Variants in XPO1 observed in about 807,000 individuals in gnomAD.
XPO1 encodes exportin 1.
XPO1 carries 5 observed loss-of-function variants against 133.3 expected under a neutral mutation model. That is an observed-to-expected ratio of 0.04 (90% CI 0.02 to 0.08). XPO1 has a LOEUF of 0.08. Among genes scored for constraint, XPO1 ranks in the 10% least tolerant of loss-of-function variants. The pLI is 1.00. For missense variants in XPO1, 506 were observed against 1,267.5 expected (o/e 0.40, Z 9.12); for synonymous variants, 419 against 408.2 (o/e 1.03, Z -0.32).
rs757556889 is a variant in XPO1 at position 61,510,385 on chromosome 2, T to C, written c.302-8075A>G. ...AGGGTATACAGGATATTGTTACTAC[T>C]GTTCTCTCAATGAAATATTAATAAG... On this transcript the variant is annotated intron_variant, in intron 4 of 24. Coordinates refer to ENST00000401558, the MANE Select transcript of XPO1 (RefSeq NM_003400.4). 2.3e-4 allele frequency among the ~76,000 whole-genome samples: 35 copies of C among 152,350 alleles called. 1 individual carries two copies. Among genetic ancestry groups the C allele is most frequent in the South Asian group, 6.2e-4 (3 of 4,832 alleles).
In XPO1 at chr2:61,499,814, G is replaced by C. The variant is rs1352224037; in HGVS notation, c.489C>G (p.Leu163=). ...IVGASRTSES[L]CQNNMVILKL... Reference sequence around the variant, plus strand: ...TAAGAATCACCATATTATTTTGACAGAGACTTTCGCTGGTCCTACTTGCTC... The same window carrying C: ...TAAGAATCACCATATTATTTTGACACAGACTTTCGCTGGTCCTACTTGCTC... Residue 163 remains leucine, a synonymous_variant, in exon 7 of 25, where the codon CTC becomes CTG. Transcript: ENST00000401558. 2 of 1,613,324 alleles carry C rather than the reference G, an allele frequency of 1.2e-6. No individual in the cohort carries two copies. Among genetic ancestry groups the C allele is most frequent in the Non-Finnish European group, 1.7e-6 (2 of 1,179,886 alleles).
chr2:61,519,712 A>AC (rs1178492187), intron 4 of XPO1, among the ~76,000 whole-genome samples: 2 of 151,018 alleles, frequency 1.3e-5, no homozygotes, highest in Admixed American at 1.3e-4. Flanking sequence ...AAAAAAAAAA[A>AC]AAAAAAAAAA....
intron 18 of XPO1, 71 bp downstream of exon 18, chr2:61,488,517 G>C (rs1340011700): frequency 3.4e-6 from 5 of 1,463,364 alleles, no homozygotes; most frequent in East Asian, 2.3e-5. Flanking sequence ...AACATCAAAT[G>C]TTTGACTTAA....
In XPO1 at chr2:61,492,027, T is replaced by TATA. The variant is rs780515344; in HGVS notation, c.1887+7_1887+8insTAT. 26 of 1,613,998 alleles carry TATA rather than the reference T, an allele frequency of 1.6e-5. No individual in the cohort carries two copies. In the South Asian group the frequency reaches 2.5e-4, roughly 16 times the overall value. On this transcript the variant is annotated splice_region_variant and intron_variant, in intron 16 of 24. Coordinates refer to ENST00000401558, the MANE Select transcript of XPO1 (RefSeq NM_003400.4). The surrounding 1 kb of genome is among the most constrained non-coding windows in gnomAD (Gnocchi z 5.6). ...CTAAAAATAACATATGCTCAGTGCT[T>TATA]AACATACCTGTTGAGGCTGAAGATC...
rs1390387191 is a variant in XPO1, at chr2:61,490,832, C to T, written c.1888-56G>A. On this transcript the variant is annotated intron_variant, in intron 16 of 24. Transcript: ENST00000401558. ...ATGTTATACACCCTAATAAGGAAAACCACACACAAGCAATTCACAAACGTC... is the reference window on the plus strand; with the variant it reads ...ATGTTATACACCCTAATAAGGAAAATCACACACAAGCAATTCACAAACGTC... 4 of 1,580,118 alleles carry T rather than the reference C, an allele frequency of 2.5e-6. No individual in the cohort carries two copies. In the African/African-American group the frequency reaches 5.5e-5, roughly 22 times the overall value.
intron 4 of XPO1, among the ~76,000 whole-genome samples, chr2:61,516,381 A>G (rs544029061): frequency 4.6e-4 from 70 of 151,384 alleles, no homozygotes; most frequent in Middle Eastern, 3.4e-3. Context: ...TACTTTTTTC[A>G]TAAATTCGCT....
rs1573116811 is a variant in XPO1 at position 61,488,378 on chromosome 2, C to CAA, written c.2207-109_2207-108dup. The CAA allele has an allele frequency of 3.1e-5, 38 of 1,241,694 alleles. No homozygotes were observed. The East Asian group carries it at 8.9e-4, about 29-fold the overall frequency. 76.9% of individuals were successfully genotyped at this position (1,241,694 alleles called of 1,614,324 possible). On this transcript the variant is annotated intron_variant, in intron 18 of 24. Coordinates refer to ENST00000401558, the MANE Select transcript of XPO1 (RefSeq NM_003400.4). Reference sequence around the variant, plus strand: ...ATTTTACCATTAAAAAGTTTAAAGCCAAAAGTTCACAAAATTTATTGGGAA... The same window carrying CAA: ...ATTTTACCATTAAAAAGTTTAAAGCCAAAAAAGTTCACAAAATTTATTGGGAA...
chr2:61,531,240 T>C (rs915146221), intron 2 of XPO1, among the ~76,000 whole-genome samples: 3 of 152,208 alleles, frequency 2.0e-5, no homozygotes, highest in Non-Finnish European at 4.4e-5. Flanking sequence ...TGTTTCTTCA[T>C]TTATAATACA....
chr2:61,531,581 G>A (rs1278011735), intron 2 of XPO1, among the ~76,000 whole-genome samples: 1 of 152,168 alleles, frequency 6.6e-6, no homozygotes, highest in Non-Finnish European at 1.5e-5. Context: ...AACTAGTTTA[G>A]TGTGAAGATT....
At chr2:61,523,662 A>G (rs769570184) in intron 3 of XPO1, among the ~76,000 whole-genome samples, 2 of 152,220 alleles carry the variant, frequency 1.3e-5, no homozygotes, top group Non-Finnish European at 2.9e-5. Context: ...TTGGCTGAGA[A>G]TAAGAGTTCA....
intron 4 of XPO1, among the ~76,000 whole-genome samples, chr2:61,522,174 A>G (rs963946699): frequency 1.3e-5 from 2 of 152,030 alleles, no homozygotes; most frequent in African/African-American, 4.8e-5. Context: ...AGCTCAAGCA[A>G]TGCTCCCACA....
At chr2:61,501,431 A>G (rs1558648936) in intron 6 of XPO1, among the ~76,000 whole-genome samples, 1 of 152,104 alleles carries the variant, frequency 6.6e-6, no homozygotes, top group Admixed American at 6.6e-5. Flanking sequence ...GAAAATTAAA[A>G]AACAATCCGG....
chr2:61,480,899 G>A (rs1696316586), intron 24 of XPO1, among the ~76,000 whole-genome samples: 1 of 151,914 alleles, frequency 6.6e-6, no homozygotes, highest in Non-Finnish European at 1.5e-5. Flanking sequence ...AACTACCAAC[G>A]TTTTTCTTAC....
chr2:61,504,365 T>G (rs894599901), intron 4 of XPO1, among the ~76,000 whole-genome samples: 1 of 152,180 alleles, frequency 6.6e-6, no homozygotes, highest in Non-Finnish European at 1.5e-5. Flanking sequence ...CTGAGAACAT[T>G]TTTAAAGGAA....
chr2:61,483,775 G>T, intron 21 of XPO1, 162 bp downstream of exon 21: 1 of 735,970 alleles, frequency 1.4e-6, no homozygotes, highest in Non-Finnish European at 2.1e-6. Flanking sequence ...TTGGAGTGGA[G>T]TGGAACAGTT....
At chr2:61,519,911 T>C (rs1573203787) in intron 4 of XPO1, among the ~76,000 whole-genome samples, 1 of 152,144 alleles carries the variant, frequency 6.6e-6, no homozygotes, top group East Asian at 1.9e-4. Context: ...GGGCCGGACT[T>C]AGACATCATT....
chr2:61,483,619 C>T (rs1158296427), intron 21 of XPO1: 1 of 216,764 alleles, frequency 4.6e-6, no homozygotes, highest in Non-Finnish European at 9.0e-6. Flanking sequence ...TAAGTTATGA[C>T]TATTACCACC....
In XPO1 at chr2:61,533,890, G is replaced by A; in HGVS notation, c.8C>T (p.Ala3Val). ...ATGGTCTGCTAACATTGTCATAATT[G>A]CTGGCATAGATTACTGAAAATAAAG... MP[A>V]IMTMLADHAA... Residue 3 changes from alanine (A) to valine (V), a missense_variant, in exon 2 of 25, where the codon GCA (alanine) becomes GTA (valine). Ala to Val is a moderately conservative substitution (Grantham distance 64, BLOSUM62 0). Around this residue, in one of 6 missense-constraint regions of XPO1, gnomAD observed 20 missense variants for 20.4 expected, o/e 0.98. Coordinates refer to ENST00000401558, the MANE Select transcript of XPO1 (RefSeq NM_003400.4). The A allele has an allele frequency of 1.3e-6, 2 of 1,563,630 alleles. No individual in the cohort carries two copies. Among genetic ancestry groups the A allele is most frequent in the Admixed American group, 2.0e-5 (1 of 50,470 alleles).
intron 4 of XPO1, among the ~76,000 whole-genome samples, chr2:61,515,546 C>A (rs1336346516): frequency 6.6e-6 from 1 of 152,168 alleles, no homozygotes; most frequent in African/African-American, 2.4e-5. Context: ...CCACTACTTA[C>A]TCATACTCAG....
Sources: gnomAD v4.1 joint callset for allele counts (sites outside exome capture counted in the v4.1 genomes callset) on GRCh38, gnomAD v4.1.1 for gene constraint, gnomAD v4.1.1 regional missense constraint, Gnocchi (gnomAD v3.1) non-coding constraint, MANE v1.5 for transcripts, NCBI Gene and HGNC (gene_info 2026-07-23, HGNC 2026-07-21) for gene names.